Variants in DLG4 observed in about 807,000 individuals in gnomAD.
DLG4 encodes discs large MAGUK scaffold protein 4.
A neutral mutation model predicts 93.8 loss-of-function variants in DLG4; 7 were observed. The ratio of observed to expected loss-of-function variants is 0.07; its 90% CI spans 0.04 to 0.14. DLG4 has a LOEUF of 0.14. Ranked by LOEUF, DLG4 falls within the 10% of genes least tolerant of loss-of-function variation. DLG4 has a pLI of 1.00. For missense variants in DLG4, 545 were observed against 992.9 expected (o/e 0.55, Z 6.06); for synonymous variants, 341 against 387.6 (o/e 0.88, Z 1.41).
At chr17:7,212,980 C>A (rs1173954102) in intron 1 of DLG4, among the ~76,000 whole-genome samples, 1 of 152,108 alleles carries the variant, frequency 6.6e-6, no homozygotes, top group Non-Finnish European at 1.5e-5. Context: ...TTGCAGTGAG[C>A]CGAGATCGTG....
intron 1 of DLG4, among the ~76,000 whole-genome samples, chr17:7,213,337 T>G (rs2070784400): frequency 6.6e-6 from 1 of 152,048 alleles, no homozygotes; most frequent in Admixed American, 6.6e-5. Context: ...TGACCTCACA[T>G]GATCCGCGCG....
intron 17 of DLG4, 69 bp from the exon 18 acceptor site, chr17:7,192,071 G>A (rs2069530119): frequency 3.4e-6 from 3 of 888,860 alleles, no homozygotes; most frequent in Non-Finnish European, 4.9e-6. Flanking sequence ...CAGTGCCGGA[G>A]GGACACGGAC....
chr17:7,218,519 C>T, upstream of DLG4: 1 of 1,552,346 alleles, frequency 6.4e-7, no homozygotes, highest in Non-Finnish European at 8.7e-7. Flanking sequence ...GGCCCAGGTC[C>T]CTCAGAAAAC....
intron 1 of DLG4, among the ~76,000 whole-genome samples, chr17:7,212,718 CA>C (rs1567551060): frequency 1.3e-5 from 2 of 151,974 alleles, no homozygotes; most frequent in Non-Finnish European, 2.9e-5. Context: ...GCTTGGGCAA[CA>C]TAGTGAGATC....
chr17:7,215,777 CAT>C (rs2070884127), intron 1 of DLG4, among the ~76,000 whole-genome samples: 1 of 152,072 alleles, frequency 6.6e-6, no homozygotes, highest in Non-Finnish European at 1.5e-5. Flanking sequence ...TGGCAGGGAA[CAT>C]GTGTGTCCTC....
chr17:7,206,199 C>T (rs2070456511), intron 2 of DLG4, among the ~76,000 whole-genome samples: 1 of 152,040 alleles, frequency 6.6e-6, no homozygotes, highest in Admixed American at 6.5e-5. Context: ...AAGCAGTCCT[C>T]CCACCTCAGC....
upstream of DLG4, chr17:7,217,752 C>T (rs2070999214): frequency 6.5e-7 from 1 of 1,535,264 alleles, no homozygotes; most frequent in Middle Eastern, 1.7e-4. Flanking sequence ...GAAGCAGAAG[C>T]ACAGAGGCCC....
chr17:7,196,210 AG>A lies in DLG4; in HGVS notation c.1301+9del. The stretch of plus-strand genomic sequence containing the variant: ...AGGGGCTGAGGAGTCCAGCCCGGGA[AG>A]CCTCTGACCTGATGTAGAAACCCCT... On this transcript the variant is annotated intron_variant, in intron 11 of 19. Coordinates refer to ENST00000399506, the MANE Select transcript of DLG4 (RefSeq NM_001321075.3). This position sits in a 1 kb window ranked among gnomAD's most constrained non-coding sequence, Gnocchi z 8.3. The A allele has an allele frequency of 6.2e-7, 1 of 1,607,420 alleles. No homozygotes were observed. The highest frequency in any genetic ancestry group is 8.5e-7 in the Non-Finnish European group (1 of 1,174,990).
intron 17 of DLG4, among the ~76,000 whole-genome samples, chr17:7,192,621 G>C (rs77226080): frequency 0.016 from 2,469 of 151,530 alleles, 73 homozygotes; most frequent in African/African-American, 0.056. Context: ...AAAAAGGGAG[G>C]GACCCAGTGG....
intron 17 of DLG4, chr17:7,192,205 G>A (rs1377216034): frequency 2.3e-6 from 1 of 439,072 alleles, no homozygotes; most frequent in Non-Finnish European, 4.0e-6. Context: ...AAAGGAAAGG[G>A]AAGATGGAGA....
chr17:7,204,417 ACGCACACGCGTGCACATGCGCACG>A (rs2070345303), intron 2 of DLG4, 165 bp from the exon 3 acceptor site: 1 of 643,914 alleles, frequency 1.6e-6, no homozygotes, highest in East Asian at 2.7e-5. Context: ...CATCACACAC[ACGCACACGCGTGCACATGCGCACG>A]CGCACACACA....
At chr17:7,219,457 G>A, upstream of DLG4, 1 of 1,029,134 alleles carries the variant, frequency 9.7e-7, no homozygotes, top group Non-Finnish European at 1.2e-6. Context: ...CATCTCAGAA[G>A]AATACACTTA....
At chr17:7,213,816 C>T in intron 1 of DLG4, 1 of 471,140 alleles carries the variant, frequency 2.1e-6, no homozygotes, top group Non-Finnish European at 4.4e-6. Flanking sequence ...CGAGATTGAC[C>T]CCGTTGATCG....
chr17:7,196,430 G>A lies in DLG4; in HGVS notation c.1186+43C>T. 1.9e-6 allele frequency: 3 copies of A among 1,610,750 alleles called. No homozygotes were observed. The highest frequency in any genetic ancestry group is 2.5e-6 in the Non-Finnish European group (3 of 1,176,960). The stretch of plus-strand genomic sequence containing the variant: ...GCCATCAGCTGAGGAAGAGTTCTAA[G>A]GGCCATTTCAGCTCACAAGACAAGG... On this transcript the variant is annotated intron_variant, in intron 10 of 19. Coordinates refer to ENST00000399506, the MANE Select transcript of DLG4 (RefSeq NM_001321075.3). The surrounding 1 kb of genome is among the most constrained non-coding windows in gnomAD (Gnocchi z 8.3).
rs190836715 is a variant in DLG4, at chr17:7,204,857, C to T, written c.97-605G>A. 6.0e-6 allele frequency: 5 copies of T among 830,220 alleles called. No individual in the cohort carries two copies. In the East Asian group the frequency reaches 6.2e-4, roughly 102 times the overall value. The allele number at this position is 830,220 out of a possible 1,614,324, so 51.4% of individuals were successfully genotyped here. On this transcript the variant is annotated intron_variant, in intron 2 of 19. Transcript: ENST00000399506. ...GCTGCAGGCCCCTCCCTCGGTCTCA[C>T]CAACCAGCCGTCCAATCCACCCCTT...
In DLG4 at chr17:7,191,866, A is replaced by G; in HGVS notation, c.1976+27T>C. The G allele has an allele frequency of 7.1e-7, 1 of 1,410,768 alleles. No individual in the cohort carries two copies. 87.4% of individuals were successfully genotyped at this position (1,410,768 alleles called of 1,614,324 possible). A position where few individuals can be genotyped will look rare whatever the true frequency, so the allele number is the denominator to read the frequency against. On this transcript the variant is annotated intron_variant, in intron 18 of 19. Coordinates refer to ENST00000399506, the MANE Select transcript of DLG4 (RefSeq NM_001321075.3). The surrounding 1 kb of genome is among the most constrained non-coding windows in gnomAD (Gnocchi z 6.6). ...AGGGCCACAGGTGTTGGGGGAGCAA[A>G]GGGGAGGCCCCCAGGACCATACTCA...
chr17:7,205,161 T>A (rs995486190), intron 2 of DLG4: 1 of 985,318 alleles, frequency 1.0e-6, no homozygotes, highest in Admixed American at 6.1e-5. Flanking sequence ...CCCCTCACCC[T>A]ACGCAGTGCA....
At chr17:7,217,687 G>T, upstream of DLG4, 1 of 1,523,638 alleles carries the variant, frequency 6.6e-7, no homozygotes, top group Non-Finnish European at 8.8e-7. Flanking sequence ...GGGGTGCCTT[G>T]GCAGAGTTAA....
intron 8 of DLG4, among the ~76,000 whole-genome samples, chr17:7,197,393 C>A (rs2069849435): frequency 6.6e-6 from 1 of 152,058 alleles, no homozygotes; most frequent in Admixed American, 6.6e-5. Flanking sequence ...CCATAAAATT[C>A]TTCTCCCTCT....
Sources: allele counts gnomAD v4.1 joint callset (sites outside exome capture counted in the v4.1 genomes callset), GRCh38; gene constraint gnomAD v4.1.1; non-coding constraint Gnocchi (gnomAD v3.1); transcripts MANE v1.5; gene names NCBI Gene and HGNC (gene_info 2026-07-23, HGNC 2026-07-21).